CRACD: variants seen among roughly 807,000 people sequenced by gnomAD.
The protein encoded by CRACD is capping protein-inhibiting regulator of actin dynamics.
A neutral mutation model predicts 106.8 loss-of-function variants in CRACD; 56 were observed. That is an observed-to-expected ratio of 0.52 (90% CI 0.42 to 0.66). CRACD has a LOEUF of 0.66. CRACD is among the 30% of genes least tolerant of loss of function. CRACD has a pLI of 0.00. For missense variants in CRACD, 1,730 were observed against 1,623.2 expected (o/e 1.07, Z -1.13); for synonymous variants, 754 against 670.8 (o/e 1.12, Z -1.92).
chr4:56,301,094 A>G (rs888076023), intron 4 of CRACD: 21 of 509,768 alleles, frequency 4.1e-5, no homozygotes, highest in Non-Finnish European at 6.0e-5. Context: ...ATACTTTTGA[A>G]AACATAAAAG....
chr4:56,238,324 C>G (rs1740117318), intron 2 of CRACD, among the ~76,000 whole-genome samples: 2 of 152,270 alleles, frequency 1.3e-5, no homozygotes, highest in African/African-American at 4.8e-5. Context: ...CCTCTGGCAT[C>G]TTTCTCTATA....
intron 1 of CRACD, among the ~76,000 whole-genome samples, chr4:56,059,408 C>G (rs988218100): frequency 6.6e-6 from 1 of 152,114 alleles, no homozygotes; most frequent in African/African-American, 2.4e-5. Flanking sequence ...CCTGGAAGTT[C>G]GAGGCTACAG....
intron 2 of CRACD, among the ~76,000 whole-genome samples, chr4:56,269,038 A>G (rs938412724): frequency 6.6e-6 from 1 of 152,202 alleles, no homozygotes; most frequent in Admixed American, 6.5e-5. Context: ...ATGATGTGTT[A>G]GGCCATTCTT....
At chr4:56,259,844 G>C (rs1239400186) in intron 2 of CRACD, among the ~76,000 whole-genome samples, 1 of 152,170 alleles carries the variant, frequency 6.6e-6, no homozygotes. Flanking sequence ...CTGTACAATG[G>C]AAGTGAGGTA....
At chr4:56,245,709 T>C (rs1740641953) in intron 2 of CRACD, among the ~76,000 whole-genome samples, 1 of 152,170 alleles carries the variant, frequency 6.6e-6, no homozygotes, top group Admixed American at 6.5e-5. Context: ...AACTGTTTCC[T>C]GAAGTCAGAT....
intron 2 of CRACD, among the ~76,000 whole-genome samples, chr4:56,240,928 C>T (rs921713740): frequency 2.0e-5 from 3 of 152,268 alleles, no homozygotes; most frequent in South Asian, 2.1e-4. Context: ...TAAGTCCATC[C>T]GCACACCCAC....
chr4:56,181,053 G>A (rs1441891762), intron 2 of CRACD, among the ~76,000 whole-genome samples: 3 of 152,208 alleles, frequency 2.0e-5, no homozygotes, highest in Non-Finnish European at 4.4e-5. Flanking sequence ...TATTTTTGAT[G>A]TTTGTTCACA....
chr4:56,126,217 T>C (rs1458339270), intron 1 of CRACD, among the ~76,000 whole-genome samples: 1 of 152,158 alleles, frequency 6.6e-6, no homozygotes, highest in Admixed American at 6.5e-5. Flanking sequence ...CTACCTCGTA[T>C]CTTTCCTGCC....
chr4:56,263,504 A>G (rs1473366370), intron 2 of CRACD, among the ~76,000 whole-genome samples: 1 of 152,132 alleles, frequency 6.6e-6, no homozygotes, highest in Non-Finnish European at 1.5e-5. Flanking sequence ...TGGTTTGTAG[A>G]TGGCCATCTT....
rs756732878 is a variant in CRACD at position 56,314,747 on chromosome 4, G to C, written c.1245G>C (p.Trp415Cys). 27 of 1,585,302 alleles carry C rather than the reference G, an allele frequency of 1.7e-5. No individual in the cohort carries two copies. Among genetic ancestry groups the C allele is most frequent in the Admixed American group, 3.7e-5 (2 of 53,458 alleles). Residue 415 changes from tryptophan to cysteine, a missense_variant, in exon 8 of 11, where the codon TGG becomes TGC. Physicochemically the swap from Trp to Cys is radical, Grantham distance 215. This residue lies in a region of CRACD where 1,620 missense variants were observed against 1,481.6 expected (regional missense o/e 1.09). Coordinates refer to ENST00000682029, the MANE Select transcript of CRACD (RefSeq NM_001393381.1). The surrounding 1 kb of genome is among the most constrained non-coding windows in gnomAD (Gnocchi z 4.4). Reference sequence around the variant, plus strand: ...AGGGCCAGGCGCACCTGGAGGACTGGAGGGGGCAGCTCAGTGAGCTTCTGA... The same window carrying C: ...AGGGCCAGGCGCACCTGGAGGACTGCAGGGGGCAGCTCAGTGAGCTTCTGA... The part of the protein sequence containing the change: ...EEEGQAHLED[W>C]RGQLSELLND...
chr4:56,130,669 C>T (rs1202368246), intron 1 of CRACD, among the ~76,000 whole-genome samples: 1 of 152,140 alleles, frequency 6.6e-6, no homozygotes, highest in Non-Finnish European at 1.5e-5. Flanking sequence ...TTGATTTGCT[C>T]ATCTACTAGT....
chr4:56,060,788 T>C (rs569524910), intron 1 of CRACD, among the ~76,000 whole-genome samples: 53 of 152,158 alleles, frequency 3.5e-4, no homozygotes, highest in African/African-American at 1.3e-3. Context: ...TCCTGATGAA[T>C]AGGATAAGTG....
chr4:56,316,418 A>C lies in CRACD; in HGVS notation c.2916A>C (p.Pro972=). 1.2e-6 allele frequency: 2 copies of C among 1,614,066 alleles called. No homozygotes were observed. The highest frequency in any genetic ancestry group is 1.7e-6 in the Non-Finnish European group (2 of 1,179,958). ...ALAPKPTSQT[P]PASPLSKLSR... is the part of the protein sequence containing the mutation. ...CTCCCAAGCCCACCAGTCAGACCCC[A>C]CCAGCATCCCCACTTTCCAAACTGA... is the stretch of plus-strand genomic sequence containing the variant. The change falls in exon 8 of 11, where the codon CCA becomes CCC. Residue 972 remains proline (P), a synonymous_variant. Transcript: ENST00000682029.
At chr4:56,275,150 G>A (rs929017385) in intron 3 of CRACD, among the ~76,000 whole-genome samples, 2 of 152,164 alleles carry the variant, frequency 1.3e-5, no homozygotes, top group African/African-American at 2.4e-5. Context: ...GTGAGTGGGG[G>A]GAAAGGAGCA....
At chr4:56,151,545 C>T (rs1475186392) in intron 1 of CRACD, among the ~76,000 whole-genome samples, 1 of 151,980 alleles carries the variant, frequency 6.6e-6, no homozygotes, top group African/African-American at 2.4e-5. Context: ...GGATATTCTC[C>T]TATACATTCA....
intron 2 of CRACD, among the ~76,000 whole-genome samples, chr4:56,251,934 G>A (rs933418653): frequency 6.6e-6 from 1 of 152,124 alleles, no homozygotes; most frequent in Non-Finnish European, 1.5e-5. Flanking sequence ...TTCATCCAGA[G>A]CAAGAAATAT....
rs759217029 is a variant in CRACD, at chr4:56,328,110, T to C, written c.*306T>C. ...GCCTGCCATGCCCATTTCATGGCCTTGCACACACACCCACCCACACACCAT... is the reference window on the plus strand; with the variant it reads ...GCCTGCCATGCCCATTTCATGGCCTCGCACACACACCCACCCACACACCAT... On this transcript the variant is annotated 3_prime_UTR_variant, in exon 11 of 11. Coordinates refer to ENST00000682029, the MANE Select transcript of CRACD (RefSeq NM_001393381.1). The C allele has an allele frequency of 1.6e-5, 6 of 374,634 alleles. No individual in the cohort carries two copies. The highest frequency in any genetic ancestry group is 3.0e-5 in the Non-Finnish European group (6 of 197,484). The allele number at this position is 374,634 out of a possible 1,614,324, so 23.2% of individuals were successfully genotyped here.
At chr4:56,175,421 A>T (rs926306971) in intron 1 of CRACD, among the ~76,000 whole-genome samples, 4 of 152,200 alleles carry the variant, frequency 2.6e-5, no homozygotes, top group African/African-American at 7.2e-5. Flanking sequence ...TTCCCTAATG[A>T]TTAATATACC....
At chr4:56,266,713 C>G (rs919005880) in intron 2 of CRACD, among the ~76,000 whole-genome samples, 1 of 152,350 alleles carries the variant, frequency 6.6e-6, no homozygotes, top group Admixed American at 6.5e-5. Flanking sequence ...ATAGCTGCTA[C>G]TGATGACCAT....
Sources: allele counts gnomAD v4.1 joint callset (sites outside exome capture counted in the v4.1 genomes callset), GRCh38; gene constraint gnomAD v4.1.1; regional missense constraint gnomAD v4.1.1; non-coding constraint Gnocchi (gnomAD v3.1); transcripts MANE v1.5; gene names NCBI Gene and HGNC (gene_info 2026-07-23, HGNC 2026-07-21).